The following EIF4G3 variants were observed in gnomAD, a reference collection of about 807,000 sequenced individuals.
EIF4G3 encodes the protein eIF-4-gamma 3.
A neutral mutation model predicts 186.4 loss-of-function variants in EIF4G3; 34 were observed. That is an observed-to-expected ratio of 0.18 (90% confidence interval 0.14 to 0.24). EIF4G3 has a LOEUF of 0.24. Ranked by LOEUF, EIF4G3 falls within the 10% of genes least tolerant of loss-of-function variation. The pLI is 1.00. For missense variants in EIF4G3, 1,536 were observed against 1,948.5 expected (o/e 0.79, Z 3.99); for synonymous variants, 673 against 679.5 (o/e 0.99, Z 0.15).
At chr1:21,009,920 TG>T (rs1249711896) in intron 4 of EIF4G3, among the ~76,000 whole-genome samples, 2 of 152,104 alleles carry the variant, frequency 1.3e-5, no homozygotes, top group Admixed American at 6.6e-5. Flanking sequence ...CCCAAAGTGC[TG>T]GGATTACAGA....
At chr1:21,168,027 G>A (rs540967220) in intron 2 of EIF4G3, 48 of 470,426 alleles carry the variant, frequency 1.0e-4, no homozygotes, top group Admixed American at 2.8e-4. Context: ...AGCCAAAGGT[G>A]AAAAAATATT....
At position 21,093,062 on chromosome 1, in the gene EIF4G3, A is replaced by T. The variant is rs200938657; in HGVS notation, c.-271-3849T>A. Among the ~76,000 whole-genome samples, 143 of 152,318 alleles carry T rather than the reference A, an allele frequency of 9.4e-4. No individual in the cohort carries two copies. The East Asian group carries it at 0.022, about 23-fold the overall frequency. ...TGGGCAAGGACTTCACGTCTAAAAC[A>T]CCAAAAGCAATGGCAACAAAAGACA... On this transcript the variant is annotated intron_variant, in intron 2 of 36. Transcript: ENST00000602326.
intron 16 of EIF4G3, among the ~76,000 whole-genome samples, chr1:20,895,807 C>A (rs2087790421): frequency 6.6e-6 from 1 of 152,144 alleles, no homozygotes; most frequent in Admixed American, 6.5e-5. Flanking sequence ...TTCATAGTAA[C>A]AAGAAATAAC....
At chr1:21,173,196 CTTTGAT>C (rs1240818569) in intron 2 of EIF4G3, among the ~76,000 whole-genome samples, 2 of 142,014 alleles carry the variant, frequency 1.4e-5, no homozygotes, top group African/African-American at 5.1e-5. Context: ...TCTAGAAGAC[CTTTGAT>C]TTTGTTTTTT....
chr1:21,024,877 T>G (rs12084305), intron 4 of EIF4G3, among the ~76,000 whole-genome samples: 4,518 of 137,028 alleles, frequency 0.033, 226 homozygotes, highest in African/African-American at 0.11. Context: ...AAACACCCAA[T>G]AATTATCAAT....
chr1:20,863,769 G>A (rs199971450), intron 22 of EIF4G3, among the ~76,000 whole-genome samples: 4 of 37,690 alleles, frequency 1.1e-4, no homozygotes, highest in Admixed American at 6.7e-4. Context: ...AAAAAAAAAA[G>A]AGAGAGAGAG....
intron 2 of EIF4G3, among the ~76,000 whole-genome samples, chr1:21,097,163 T>C (rs2096394139): frequency 6.6e-6 from 1 of 152,218 alleles, no homozygotes; most frequent in Non-Finnish European, 1.5e-5. Context: ...TCTGTACAAA[T>C]AGTGTGCAGA....
At chr1:20,907,682 T>A (rs1441597165) in intron 14 of EIF4G3, among the ~76,000 whole-genome samples, 1 of 152,142 alleles carries the variant, frequency 6.6e-6, no homozygotes, top group Non-Finnish European at 1.5e-5. Flanking sequence ...CTGAGAATGA[T>A]GGTTTCCAGT....
intron 30 of EIF4G3, among the ~76,000 whole-genome samples, chr1:20,829,584 AAAG>A (rs1166848371): frequency 1.3e-5 from 2 of 152,218 alleles, no homozygotes; most frequent in Non-Finnish European, 2.9e-5. Flanking sequence ...TAAATGATGA[AAAG>A]AAGGACAGTC....
chr1:21,027,866 G>A (rs1447994084), intron 4 of EIF4G3, among the ~76,000 whole-genome samples: 1 of 152,072 alleles, frequency 6.6e-6, no homozygotes, highest in African/African-American at 2.4e-5. Context: ...ATTCATAACT[G>A]GTAAAACATG....
intron 2 of EIF4G3, among the ~76,000 whole-genome samples, chr1:21,159,951 A>G (rs916569284): frequency 1.3e-5 from 2 of 152,082 alleles, no homozygotes; most frequent in Admixed American, 6.6e-5. Flanking sequence ...ACAAAAATAC[A>G]AAAAGTTAGC....
intron 20 of EIF4G3, among the ~76,000 whole-genome samples, chr1:20,872,660 C>G (rs925793741): frequency 6.6e-6 from 1 of 151,696 alleles, no homozygotes; most frequent in Non-Finnish European, 1.5e-5. Context: ...CATCCACAAC[C>G]CCTTGTCTCC....
chr1:20,939,848 T>C (rs2095647986), intron 14 of EIF4G3, among the ~76,000 whole-genome samples: 1 of 101,122 alleles, frequency 9.9e-6, no homozygotes, highest in African/African-American at 4.1e-5. Flanking sequence ...AGTTGTTTAG[T>C]TTTTTTTTTT....
At chr1:21,018,958 AG>A (rs2089994687) in intron 4 of EIF4G3, among the ~76,000 whole-genome samples, 1 of 151,654 alleles carries the variant, frequency 6.6e-6, no homozygotes, top group African/African-American at 2.4e-5. Context: ...ATCCAGACTT[AG>A]GTATTCCTTT....
At chr1:21,051,817 T>C (rs1296644047) in intron 3 of EIF4G3, among the ~76,000 whole-genome samples, 1 of 152,118 alleles carries the variant, frequency 6.6e-6, no homozygotes, top group African/African-American at 2.4e-5. Flanking sequence ...TGAGCTATGA[T>C]CACACCACTG....
At chr1:20,823,817 T>C (rs1465812256) in intron 33 of EIF4G3, among the ~76,000 whole-genome samples, 2 of 152,260 alleles carry the variant, frequency 1.3e-5, no homozygotes, top group Non-Finnish European at 2.9e-5. Context: ...CTAAATCTAC[T>C]ACTTATTGTC....
intron 2 of EIF4G3, among the ~76,000 whole-genome samples, chr1:21,132,908 G>A (rs771244920): frequency 6.6e-5 from 10 of 151,824 alleles, no homozygotes; most frequent in African/African-American, 1.9e-4. Context: ...TCAGCCTCCC[G>A]AGTATCTAAA....
intron 3 of EIF4G3, among the ~76,000 whole-genome samples, chr1:21,082,286 G>A (rs1234585286): frequency 3.3e-5 from 5 of 151,436 alleles, no homozygotes; most frequent in Admixed American, 1.3e-4. Flanking sequence ...ATATGCTAAG[G>A]CAGTAGGAGG....
chr1:21,048,891 G>T (rs1255829856), intron 4 of EIF4G3, among the ~76,000 whole-genome samples: 1 of 152,072 alleles, frequency 6.6e-6, no homozygotes, highest in Non-Finnish European at 1.5e-5. Context: ...GCCTTTTTTG[G>T]ATGTAGAGGC....
Sources: allele counts gnomAD v4.1 joint callset (sites outside exome capture counted in the v4.1 genomes callset), GRCh38; gene constraint gnomAD v4.1.1; transcripts MANE v1.5; gene names NCBI Gene and HGNC (gene_info 2026-07-23, HGNC 2026-07-21).